Variants in GALNTL6 observed in about 807,000 individuals in gnomAD.
GALNTL6 encodes the protein polypeptide N-acetylgalactosaminyltransferase like 6.
A neutral mutation model predicts 73.7 loss-of-function variants in GALNTL6; 46 were observed. That is an observed-to-expected ratio of 0.62 (90% CI 0.49 to 0.80). The LOEUF (loss-of-function observed/expected upper bound fraction) is 0.80. Among genes scored for constraint, GALNTL6 ranks in the 30% least tolerant of loss-of-function variants. GALNTL6 has a pLI of 0.00. For synonymous variants in GALNTL6, 259 were observed against 263.7 expected (o/e 0.98, Z 0.17); for missense variants, 604 against 755.0 (o/e 0.80, Z 2.34).
chr4:172,753,792 A>G (rs1737572631), intron 5 of GALNTL6, among the ~76,000 whole-genome samples: 1 of 152,196 alleles, frequency 6.6e-6, no homozygotes, highest in African/African-American at 2.4e-5. Flanking sequence ...AAAATATTGT[A>G]AGATTTAGTT....
chr4:172,438,818 C>T (rs1268382020), intron 5 of GALNTL6, among the ~76,000 whole-genome samples: 1 of 151,976 alleles, frequency 6.6e-6, no homozygotes, highest in Non-Finnish European at 1.5e-5. Context: ...TCTCGACTTA[C>T]CCACACTTAC....
chr4:171,932,330 C>T (rs1738209808), intron 2 of GALNTL6, among the ~76,000 whole-genome samples: 1 of 152,170 alleles, frequency 6.6e-6, no homozygotes, highest in Non-Finnish European at 1.5e-5. Context: ...TAACCTGGTA[C>T]GTGCCTTTTT....
chr4:172,979,141 T>G (rs1750966170), intron 10 of GALNTL6, among the ~76,000 whole-genome samples: 1 of 152,238 alleles, frequency 6.6e-6, no homozygotes, highest in Non-Finnish European at 1.5e-5. Flanking sequence ...TCCAAATTAA[T>G]GGTTAACAGT....
intron 5 of GALNTL6, among the ~76,000 whole-genome samples, chr4:172,405,772 TC>T (rs1220468560): frequency 1.3e-5 from 2 of 151,666 alleles, no homozygotes; most frequent in South Asian, 2.1e-4. Context: ...TGATTTTTTT[TC>T]ATCACAAAGT....
chr4:171,891,475 G>T (rs1370392891), intron 2 of GALNTL6, among the ~76,000 whole-genome samples: 1 of 152,076 alleles, frequency 6.6e-6, no homozygotes, highest in Non-Finnish European at 1.5e-5. Context: ...TACATGTTTA[G>T]GGAAACAGGT....
At chr4:172,548,623 A>T (rs1735854612) in intron 5 of GALNTL6, among the ~76,000 whole-genome samples, 1 of 152,224 alleles carries the variant, frequency 6.6e-6, no homozygotes, top group Non-Finnish European at 1.5e-5. Flanking sequence ...ACAAAAATCA[A>T]ATCTAATGAT....
intron 2 of GALNTL6, among the ~76,000 whole-genome samples, chr4:172,223,193 A>G (rs963901025): frequency 6.6e-6 from 1 of 152,026 alleles, no homozygotes; most frequent in Admixed American, 6.6e-5. Flanking sequence ...TACCAGTTCA[A>G]GGTCTATTTT....
At chr4:171,827,922 C>T (rs1282636705) in intron 2 of GALNTL6, among the ~76,000 whole-genome samples, 1 of 151,908 alleles carries the variant, frequency 6.6e-6, no homozygotes, top group Non-Finnish European at 1.5e-5. Context: ...AAAAAGCTTG[C>T]AGACAAACCA....
chr4:172,383,693 C>T (rs1743366361), intron 5 of GALNTL6, among the ~76,000 whole-genome samples: 1 of 152,162 alleles, frequency 6.6e-6, no homozygotes, highest in South Asian at 2.1e-4. Context: ...AGCATGTAGT[C>T]TTTCCTGCTT....
chr4:172,904,483 T>C (rs1281388488), intron 8 of GALNTL6, among the ~76,000 whole-genome samples: 1 of 152,208 alleles, frequency 6.6e-6, no homozygotes, highest in East Asian at 1.9e-4. Flanking sequence ...CTGTCTCTTC[T>C]GGTTCTTGTC....
At chr4:171,914,101 A>G (rs1737547550) in intron 2 of GALNTL6, among the ~76,000 whole-genome samples, 2 of 152,152 alleles carry the variant, frequency 1.3e-5, no homozygotes, top group South Asian at 4.1e-4. Context: ...ATAAAACACT[A>G]ACAAAATCAT....
intron 4 of GALNTL6, among the ~76,000 whole-genome samples, chr4:172,324,684 C>T (rs1203960848): frequency 1.3e-5 from 2 of 150,930 alleles, no homozygotes; most frequent in South Asian, 2.1e-4. Context: ...TATGCCAGTA[C>T]ATAAACAACT....
intron 5 of GALNTL6, among the ~76,000 whole-genome samples, chr4:172,414,733 T>G (rs774175252): frequency 6.6e-6 from 1 of 152,198 alleles, no homozygotes; most frequent in Non-Finnish European, 1.5e-5. Flanking sequence ...CTCCGTCACC[T>G]ACTGAGGCTA....
chr4:171,934,582 T>A (rs1372976516), intron 2 of GALNTL6, among the ~76,000 whole-genome samples: 1 of 151,856 alleles, frequency 6.6e-6, no homozygotes, highest in African/African-American at 2.4e-5. Flanking sequence ...CTTGGCTAAT[T>A]TTTTTGTATT....
chr4:172,197,364 G>A (rs1018556033), intron 2 of GALNTL6, among the ~76,000 whole-genome samples: 1 of 152,066 alleles, frequency 6.6e-6, no homozygotes, highest in African/African-American at 2.4e-5. Context: ...TGACCATACT[G>A]CCCAAAGTAA....
At chr4:172,328,329 T>C (rs1741012814) in intron 4 of GALNTL6, among the ~76,000 whole-genome samples, 1 of 152,160 alleles carries the variant, frequency 6.6e-6, no homozygotes, top group Non-Finnish European at 1.5e-5. Flanking sequence ...CATTTTTTCT[T>C]TCATTTTGCC....
intron 4 of GALNTL6, among the ~76,000 whole-genome samples, chr4:172,347,322 T>C (rs1336756252): frequency 1.3e-5 from 2 of 152,182 alleles, no homozygotes; most frequent in Non-Finnish European, 2.9e-5. Flanking sequence ...TTACTCTGAA[T>C]GCAATTCCTC....
At chr4:171,875,804 G>A (rs1038172393) in intron 2 of GALNTL6, among the ~76,000 whole-genome samples, 2 of 149,326 alleles carry the variant, frequency 1.3e-5, no homozygotes, top group Non-Finnish European at 3.0e-5. Flanking sequence ...CTGGGGCATG[G>A]GATTTTCCAG....
At chr4:171,955,524 A>C (rs1320882899) in intron 2 of GALNTL6, among the ~76,000 whole-genome samples, 1 of 152,046 alleles carries the variant, frequency 6.6e-6, no homozygotes, top group East Asian at 1.9e-4. Context: ...TATTGTTTGC[A>C]TATAACCTAT....
Sources: allele counts gnomAD v4.1 joint callset (sites outside exome capture counted in the v4.1 genomes callset), GRCh38; gene constraint gnomAD v4.1.1; transcripts MANE v1.5; gene names NCBI Gene and HGNC (gene_info 2026-07-23, HGNC 2026-07-21).